The following MLLT3 variants were observed in gnomAD, a reference collection of about 807,000 sequenced individuals.
The protein encoded by MLLT3 is MLLT3 super elongation complex subunit.
A neutral mutation model predicts 53.2 loss-of-function variants in MLLT3; 4 were observed. That is an observed-to-expected ratio of 0.08 (90% CI 0.04 to 0.17). The LOEUF is 0.17. Ranked by LOEUF, MLLT3 falls within the 10% of genes least tolerant of loss-of-function variation. The pLI is 1.00. For synonymous variants in MLLT3, 283 were observed against 230.6 expected, an observed-to-expected ratio of 1.23 and a Z score of -2.06; for missense variants, 569 against 684.0, an observed-to-expected ratio of 0.83 and a Z score of 1.87.
At chr9:20,622,024 CGTGT>C (rs1274060063) in intron 1 of MLLT3, 19 of 880,360 alleles carry the variant, frequency 2.2e-5, no homozygotes, top group Non-Finnish European at 2.4e-5. Context: ...CGAGTGTGAG[CGTGT>C]GTGAGTGTGT....
intron 2 of MLLT3, among the ~76,000 whole-genome samples, chr9:20,532,072 T>G (rs894221684): frequency 6.6e-6 from 1 of 152,174 alleles, no homozygotes; most frequent in Non-Finnish European, 1.5e-5. Context: ...TTCACAGCTA[T>G]GTTCCATTAC....
intron 4 of MLLT3, among the ~76,000 whole-genome samples, chr9:20,422,577 C>A (rs1223727886): frequency 6.6e-6 from 1 of 152,128 alleles, no homozygotes; most frequent in Admixed American, 6.5e-5. Flanking sequence ...CAACACATAA[C>A]ATGAAAGAGC....
At chr9:20,375,155 C>A (rs1342946427) in intron 5 of MLLT3, among the ~76,000 whole-genome samples, 1 of 152,220 alleles carries the variant, frequency 6.6e-6, no homozygotes, top group Non-Finnish European at 1.5e-5. Flanking sequence ...TTTGTTATGG[C>A]AGCCCAAGCT....
intron 2 of MLLT3, among the ~76,000 whole-genome samples, chr9:20,500,617 C>T (rs570787681): frequency 6.6e-6 from 1 of 152,310 alleles, no homozygotes; most frequent in South Asian, 2.1e-4. Flanking sequence ...GAACTATTGA[C>T]CACTCAGTTC....
chr9:20,439,470 G>C (rs1269123990), intron 4 of MLLT3, among the ~76,000 whole-genome samples: 1 of 149,108 alleles, frequency 6.7e-6, no homozygotes. Context: ...TCATACTTCT[G>C]TATTGTCAAA....
At chr9:20,397,577 T>G (rs775217233) in intron 5 of MLLT3, among the ~76,000 whole-genome samples, 1 of 152,102 alleles carries the variant, frequency 6.6e-6, no homozygotes, top group African/African-American at 2.4e-5. Flanking sequence ...AATTACAACT[T>G]AGGGGATCTC....
At chr9:20,571,718 G>A (rs1040586735) in intron 2 of MLLT3, among the ~76,000 whole-genome samples, 3 of 152,182 alleles carry the variant, frequency 2.0e-5, no homozygotes, top group East Asian at 1.9e-4. Flanking sequence ...ATGGGCAAAG[G>A]ACCTGAAAAG....
At chr9:20,407,107 C>T (rs1489020196) in intron 5 of MLLT3, among the ~76,000 whole-genome samples, 3 of 152,152 alleles carry the variant, frequency 2.0e-5, no homozygotes, top group Non-Finnish European at 4.4e-5. Context: ...GCACAGCCTA[C>T]ATTTTGAATA....
intron 2 of MLLT3, among the ~76,000 whole-genome samples, chr9:20,572,868 T>C (rs1244275796): frequency 6.6e-6 from 1 of 152,120 alleles, no homozygotes; most frequent in Non-Finnish European, 1.5e-5. Context: ...AAACAGAAAA[T>C]TTCTGAACTA....
intron 2 of MLLT3, among the ~76,000 whole-genome samples, chr9:20,536,389 T>C (rs1818487116): frequency 6.6e-6 from 1 of 152,270 alleles, no homozygotes; most frequent in African/African-American, 2.4e-5. Flanking sequence ...GAGAAAGCCT[T>C]TTCTGACTCC....
chr9:20,583,669 C>T (rs1195404680), intron 2 of MLLT3, among the ~76,000 whole-genome samples: 2 of 152,174 alleles, frequency 1.3e-5, no homozygotes, highest in African/African-American at 4.8e-5. Flanking sequence ...GGGCTTCCAC[C>T]CTCTGAAGCC....
At position 20,414,030 on chromosome 9, in the gene MLLT3, G is replaced by A; in HGVS notation, c.816C>T (p.Ile272=). Reference sequence around the variant, plus strand: ...GAGCCTTCTTATCTTGTCCACTGGTGATGGTGAGTAAGTTACTATCTGGTT... The same window carrying A: ...GAGCCTTCTTATCTTGTCCACTGGTAATGGTGAGTAAGTTACTATCTGGTT... The part of the protein sequence containing the change: ...EPKPDSNLLT[I]TSGQDKKAPS... The change falls in exon 5 of 11, where the codon ATC becomes ATT. Residue 272 remains isoleucine, a synonymous_variant. Transcript: ENST00000380338. The A allele has an allele frequency of 6.2e-7, 1 of 1,614,180 alleles. No individual in the cohort carries two copies. The highest frequency in any genetic ancestry group is 1.3e-5 in the African/African-American group (1 of 75,050).
chr9:20,461,000 C>G (rs1040705488), intron 2 of MLLT3, among the ~76,000 whole-genome samples: 2 of 152,116 alleles, frequency 1.3e-5, no homozygotes, highest in Non-Finnish European at 2.9e-5. Context: ...AACTAATATT[C>G]AACAGCCGTA....
At chr9:20,571,058 T>C (rs947852111) in intron 2 of MLLT3, among the ~76,000 whole-genome samples, 6 of 152,192 alleles carry the variant, frequency 3.9e-5, no homozygotes, top group East Asian at 1.9e-4. Flanking sequence ...CTTTGTAGTA[T>C]AGAAAAGCAC....
chr9:20,459,594 G>A (rs996183028), intron 2 of MLLT3, among the ~76,000 whole-genome samples: 1 of 152,176 alleles, frequency 6.6e-6, no homozygotes, highest in African/African-American at 2.4e-5. Context: ...GCACATGCCA[G>A]AGAAGTTATA....
In MLLT3 at chr9:20,414,313, C is replaced by T. The variant is rs1202820223; in HGVS notation, c.533G>A (p.Ser178Asn). ...SSSSSSSSSS[S>N]SSSSSSSSSS... ...GCTGCTGCTGCTACTGCTGCTGCTA[C>T]TGCTGCTGCTGCTGCTGCTGCTGCT... The change falls in exon 5 of 11, where the codon AGT becomes AAT. Residue 178 changes from serine to asparagine, a missense_variant. Physicochemically the swap from Ser to Asn is conservative, Grantham distance 46 (BLOSUM62 1). Coordinates refer to ENST00000380338, the MANE Select transcript of MLLT3 (RefSeq NM_004529.4). The T allele has an allele frequency of 2.7e-6, 4 of 1,476,178 alleles. No homozygotes were observed. The highest frequency in any genetic ancestry group is 3.7e-6 in the Non-Finnish European group (4 of 1,095,322). The allele number at this position is 1,476,178 out of a possible 1,614,324, so 91.4% of individuals were successfully genotyped here.
Position 20,388,960 on chromosome 9 carries a change from C to G in MLLT3, c.1126-23216G>C, listed in dbSNP as rs78461383. Among the ~76,000 whole-genome samples the G allele has an allele frequency of 6.1e-3, 935 of 152,164 alleles. 8 individuals are homozygous for G. The highest frequency in any genetic ancestry group is 0.021 in the African/African-American group (877 of 41,522). ...GAAGAGAAATAGAAAATTACATGAA[C>G]AAGAATGTCAGAAACTGCAAATGCT... On this transcript the variant is annotated intron_variant, in intron 5 of 10. Coordinates refer to ENST00000380338, the MANE Select transcript of MLLT3 (RefSeq NM_004529.4).
intron 4 of MLLT3, among the ~76,000 whole-genome samples, chr9:20,429,975 T>G (rs1823226795): frequency 6.6e-6 from 1 of 152,172 alleles, no homozygotes; most frequent in Non-Finnish European, 1.5e-5. Flanking sequence ...GTGTCATTAT[T>G]CACATTTAAT....
At chr9:20,595,284 T>C (rs1820230767) in intron 2 of MLLT3, among the ~76,000 whole-genome samples, 1 of 152,052 alleles carries the variant, frequency 6.6e-6, no homozygotes, top group Non-Finnish European at 1.5e-5. Flanking sequence ...GGAGGATCGC[T>C]TGATCCCAGG....
Sources: gnomAD v4.1 joint callset for allele counts (sites outside exome capture counted in the v4.1 genomes callset) on GRCh38, gnomAD v4.1.1 for gene constraint, MANE v1.5 for transcripts, NCBI Gene and HGNC (gene_info 2026-07-23, HGNC 2026-07-21) for gene names.